The following RBFOX1 variants were observed in gnomAD, a reference collection of about 807,000 sequenced individuals.
RBFOX1 encodes RNA binding fox-1 homolog 1.
Under a neutral mutation model 57.7 loss-of-function variants are expected in RBFOX1, and 8 were observed. The ratio of observed to expected loss-of-function variants is 0.14; its 90% CI spans 0.08 to 0.25. RBFOX1 has a LOEUF of 0.25. Among genes scored for constraint, RBFOX1 ranks in the 10% least tolerant of loss-of-function variants. The pLI, the probability that RBFOX1 is intolerant of heterozygous loss-of-function variation, is 1.00. For synonymous variants in RBFOX1, 326 were observed against 222.4 expected, an observed-to-expected ratio of 1.47 and a Z score of -4.15; for missense variants, 611 against 548.5, an observed-to-expected ratio of 1.11 and a Z score of -1.14.
intron 2 of RBFOX1, among the ~76,000 whole-genome samples, chr16:6,653,956 G>A (rs540883682): frequency 7.6e-6 from 1 of 132,286 alleles, no homozygotes; most frequent in Non-Finnish European, 1.6e-5. Context: ...GTGGATGAAG[G>A]ATGGATGGTT....
intron 1 of RBFOX1, among the ~76,000 whole-genome samples, chr16:6,128,629 A>G: frequency 6.6e-6 from 1 of 152,230 alleles, no homozygotes; most frequent in East Asian, 1.9e-4. Context: ...TTTTGGGGTC[A>G]GGTGCCACAA....
intron 11 of RBFOX1, among the ~76,000 whole-genome samples, chr16:7,637,350 A>G (rs187973905): frequency 2.8e-4 from 43 of 152,292 alleles, no homozygotes; most frequent in African/African-American, 8.7e-4. Flanking sequence ...TGCAAAATCA[A>G]TTCCTCATTT....
intron 4 of RBFOX1, among the ~76,000 whole-genome samples, chr16:7,497,128 G>A (rs2068929305): frequency 6.6e-6 from 1 of 152,126 alleles, no homozygotes. Context: ...TCCCATGCCT[G>A]GAACTCTTCA....
At chr16:7,057,580 T>A (rs2052753681) in intron 4 of RBFOX1, among the ~76,000 whole-genome samples, 1 of 152,184 alleles carries the variant, frequency 6.6e-6, no homozygotes, top group African/African-American at 2.4e-5. Flanking sequence ...ATTGGCTTAG[T>A]CTGGATCAGT....
intron 3 of RBFOX1, chr16:5,611,296 A>C (rs1445339424): frequency 6.6e-6 from 1 of 151,988 alleles, no homozygotes; most frequent in Admixed American, 6.6e-5. Context: ...TTCCTTCATC[A>C]AAGTGTCGAT....
At chr16:6,637,400 A>AAT (rs1158598966) in intron 2 of RBFOX1, among the ~76,000 whole-genome samples, 3 of 71,928 alleles carry the variant, frequency 4.2e-5, no homozygotes, top group Non-Finnish European at 4.6e-5. Flanking sequence ...TTATATATTA[A>AAT]ATATATATAT....
At chr16:6,557,798 C>T (rs1392738226) in intron 2 of RBFOX1, among the ~76,000 whole-genome samples, 4 of 152,116 alleles carry the variant, frequency 2.6e-5, no homozygotes, top group Non-Finnish European at 4.4e-5. Context: ...TGTTTTATTT[C>T]GTGGTGCAGG....
At chr16:6,930,848 T>C (rs2076386806) in intron 3 of RBFOX1, among the ~76,000 whole-genome samples, 1 of 152,116 alleles carries the variant, frequency 6.6e-6, no homozygotes, top group South Asian at 2.1e-4. Flanking sequence ...ATGTTCTGGA[T>C]CAATCTTAAC....
intron 3 of RBFOX1, among the ~76,000 whole-genome samples, chr16:6,985,444 C>G (rs542598899): frequency 6.6e-6 from 1 of 152,290 alleles, no homozygotes; most frequent in South Asian, 2.1e-4. Context: ...CCCATGTGTT[C>G]TCAGTCTAGC....
At chr16:5,856,224 T>TACAC in intron 3 of RBFOX1, among the ~76,000 whole-genome samples, 1 of 53,102 alleles carries the variant, frequency 1.9e-5, no homozygotes, top group Non-Finnish European at 3.8e-5. Context: ...TATGTATATA[T>TACAC]ATATGTATAT....
intron 1 of RBFOX1, among the ~76,000 whole-genome samples, chr16:5,291,864 T>C (rs773072549): frequency 6.6e-6 from 1 of 151,724 alleles, no homozygotes; most frequent in African/African-American, 2.4e-5. Context: ...GGAGGGAAGG[T>C]AAGAAAGAAT....
chr16:6,483,177 G>T, intron 2 of RBFOX1: 3 of 1,129,924 alleles, frequency 2.7e-6, no homozygotes, highest in Non-Finnish European at 3.2e-6. Context: ...CATTTGGCGA[G>T]CGTTTTGGCG....
chr16:7,341,008 C>T (rs903485989), intron 4 of RBFOX1, among the ~76,000 whole-genome samples: 6 of 152,088 alleles, frequency 3.9e-5, no homozygotes, highest in East Asian at 3.9e-4. Flanking sequence ...CTTTGGTGTT[C>T]GGCAATGTGA....
intron 14 of RBFOX1, among the ~76,000 whole-genome samples, chr16:7,707,343 G>A (rs923038092): frequency 6.6e-6 from 1 of 152,034 alleles, no homozygotes; most frequent in African/African-American, 2.4e-5. Context: ...AACATGTATT[G>A]GATTGGTATC....
At chr16:6,980,265 A>C (rs1264168510) in intron 3 of RBFOX1, among the ~76,000 whole-genome samples, 1 of 152,204 alleles carries the variant, frequency 6.6e-6, no homozygotes, top group Non-Finnish European at 1.5e-5. Flanking sequence ...GTGCTGTGTC[A>C]GGTGTGAGTG....
chr16:7,243,746 C>T (rs7184345), intron 4 of RBFOX1, among the ~76,000 whole-genome samples: 5,913 of 152,058 alleles, frequency 0.039, 357 homozygotes, highest in African/African-American at 0.13. Flanking sequence ...GACAGGGTTT[C>T]GCTGTGCTTC....
intron 4 of RBFOX1, among the ~76,000 whole-genome samples, chr16:7,134,877 A>C (rs762015148): frequency 1.9e-4 from 28 of 151,146 alleles, no homozygotes; most frequent in Non-Finnish European, 3.8e-4. Flanking sequence ...CTGTTAAATC[A>C]CTGTGAGGCA....
intron 1 of RBFOX1, among the ~76,000 whole-genome samples, chr16:6,139,101 T>G (rs1190112850): frequency 1.3e-5 from 2 of 152,144 alleles, no homozygotes; most frequent in Admixed American, 6.5e-5. Flanking sequence ...TGATAGCAGT[T>G]CTATAGAGTA....
chr16:7,014,387 T>C (rs1371826788), intron 3 of RBFOX1, among the ~76,000 whole-genome samples: 1 of 151,912 alleles, frequency 6.6e-6, no homozygotes, highest in Admixed American at 6.6e-5. Context: ...TTTTTTTTAT[T>C]TTTATTTTTT....
Sources: allele counts gnomAD v4.1 joint callset (sites outside exome capture counted in the v4.1 genomes callset), GRCh38; gene constraint gnomAD v4.1.1; transcripts MANE v1.5; gene names NCBI Gene and HGNC (gene_info 2026-07-23, HGNC 2026-07-21).